MLNR: variants seen among roughly 807,000 people sequenced by gnomAD.
MLNR encodes motilin receptor.
MLNR carries 16 observed loss-of-function variants against 20.0 expected under a neutral mutation model. The observed-to-expected ratio is 0.80, with a 90% confidence interval of 0.54 to 1.22. MLNR has a LOEUF of 1.22. MLNR is among the 50% of genes most tolerant of loss of function. MLNR has a pLI of 0.00. For missense variants in MLNR, 630 were observed against 592.3 expected (o/e 1.06, Z -0.66); for synonymous variants, 302 against 287.2 (o/e 1.05, Z -0.52).
rs1196989757 is a variant in MLNR, at chr13:49,220,931, C to T, written c.594C>T (p.Ala198=). Residue 198 remains alanine (A), a synonymous_variant, in exon 1 of 2, where the codon GCC becomes GCT. Transcript: ENST00000218721. The surrounding 1 kb of genome is among the most constrained non-coding windows in gnomAD (Gnocchi z 4.4). ...GCCTCAATGGCACCGCGCGGATCGCCTCCTCGCCTCTCGCCTCGTCGCCGC... is the reference window on the plus strand; with the variant it reads ...GCCTCAATGGCACCGCGCGGATCGCTTCCTCGCCTCTCGCCTCGTCGCCGC... ...VPGLNGTARI[A]SSPLASSPPL... 6.5e-7 allele frequency: 1 copy of T among 1,532,044 alleles called. No individual in the cohort carries two copies. Among genetic ancestry groups the T allele is most frequent in the Admixed American group, 2.0e-5 (1 of 49,956 alleles). 94.9% of individuals were successfully genotyped at this position (1,532,044 alleles called of 1,614,324 possible).
rs201096000 is a variant in MLNR, at chr13:49,220,610, G to A, written c.273G>A (p.Leu91=). Residue 91 remains leucine, a synonymous_variant, in exon 1 of 2, where the codon CTG becomes CTA. Coordinates refer to ENST00000218721, the MANE Select transcript of MLNR (RefSeq NM_001507.1). This position sits in a 1 kb window ranked among gnomAD's most constrained non-coding sequence, Gnocchi z 4.4. ...CCGACCTACTCATCCTGCTCGGGCT[G>A]CCGTTCGACCTGTACCGCCTCTGGC... ...AVSDLLILLG[L]PFDLYRLWRS... 1.9e-6 allele frequency: 3 copies of A among 1,612,922 alleles called. No individual in the cohort carries two copies. The highest frequency in any genetic ancestry group is 2.5e-6 in the Non-Finnish European group (3 of 1,179,628).
At chr13:49,221,421 T>C (rs1887011055) in intron 1 of MLNR, 183 bp downstream of exon 1, 2 of 661,338 alleles carry the variant, frequency 3.0e-6, no homozygotes, top group Non-Finnish European at 5.1e-6. Flanking sequence ...AACCATGTCC[T>C]GTCCCCCAGG....
At chr13:49,221,815 C>T (rs946299020) in intron 1 of MLNR, among the ~76,000 whole-genome samples, 1 of 152,200 alleles carries the variant, frequency 6.6e-6, no homozygotes, top group Non-Finnish European at 1.5e-5. Context: ...TGGTTTATGT[C>T]CAGCCTTGAT....
Position 49,221,139 on chromosome 13 carries a change from G to T in MLNR, c.802G>T (p.Gly268Trp). 6.3e-7 allele frequency: 1 copy of T among 1,592,016 alleles called. No homozygotes were observed. The highest frequency in any genetic ancestry group is 1.4e-5 in the African/African-American group (1 of 73,714). ...CTTTCTGTGCCTCAGCATCCTCTAC[G>T]GGCTCATCGGGCGGGAGCTGTGGAG... is the stretch of plus-strand genomic sequence containing the variant. ...LPFLCLSILYGLIGRELWSSR... is the reference protein window; with the variant it reads ...LPFLCLSILYWLIGRELWSSR... The change falls in exon 1 of 2, where the codon GGG becomes TGG. Residue 268 changes from glycine (G) to tryptophan (W), a missense_variant. By Grantham distance (184) the Gly-to-Trp change is radical (BLOSUM62 -2). Transcript: ENST00000218721.
In MLNR at chr13:49,220,809, C is replaced by T. The variant is rs1380286202; in HGVS notation, c.472C>T (p.Leu158Phe). ...GGTCACCCGGCGCCGCGTCCGCGCG[C>T]TCATCGCTGTGCTCTGGGCCGTGGC... ...VLVTRRRVRA[L>F]IAVLWAVALL... The change falls in exon 1 of 2, where the codon CTC becomes TTC. Residue 158 changes from leucine (L) to phenylalanine (F), a missense_variant. Transcript: ENST00000218721. The surrounding 1 kb of genome is among the most constrained non-coding windows in gnomAD (Gnocchi z 4.4). 3 of 1,571,388 alleles carry T rather than the reference C, an allele frequency of 1.9e-6. No individual in the cohort carries two copies. The highest frequency in any genetic ancestry group is 1.4e-5 in the African/African-American group (1 of 73,546).
At position 49,220,412 on chromosome 13, in the gene MLNR, C is replaced by A; in HGVS notation, c.75C>A (p.Cys25Ter). The change falls in exon 1 of 2, where the codon TGC (cysteine) becomes TGA (stop). Residue 25 changes from cysteine (C) to a stop codon, truncating the protein, a stop_gained. Transcript: ENST00000218721. LOFTEE classifies it high-confidence loss of function. The surrounding 1 kb of genome is among the most constrained non-coding windows in gnomAD (Gnocchi z 4.4). ...CGCCGTGGCCCGCGCTGCCGCCTTG[C>A]GACGAGCGCCGCTGCTCGCCCTTTC... ...REPPWPALPPCDERRCSPFPL... is the reference protein window; with the variant it reads ...REPPWPALPP 1.3e-6 allele frequency: 2 copies of A among 1,526,334 alleles called. No homozygotes were observed. The highest frequency in any genetic ancestry group is 1.2e-5 in the South Asian group (1 of 82,716). The allele number at this position is 1,526,334 out of a possible 1,614,324, so 94.5% of individuals were successfully genotyped here.
intron 1 of MLNR, 155 bp downstream of exon 1, chr13:49,221,393 C>T (rs1308685624): frequency 3.8e-6 from 3 of 794,506 alleles, no homozygotes. Context: ...CCCGCCGGTA[C>T]TTCCCATCCC....
rs1886996205 is a variant in MLNR at position 49,220,858 on chromosome 13, T to C, written c.521T>C (p.Leu174Ser). The part of the protein sequence containing the change: ...AVALLSAGPF[L>S]FLVGVEQDPG... ...GCGCTGCTCTCTGCCGGTCCCTTCT[T>C]GTTCCTGGTGGGCGTCGAGCAGGAC... The change falls in exon 1 of 2, where the codon TTG becomes TCG. Residue 174 changes from leucine to serine, a missense_variant. Transcript: ENST00000218721. This position sits in a 1 kb window ranked among gnomAD's most constrained non-coding sequence, Gnocchi z 4.4. The C allele has an allele frequency of 1.9e-6, 3 of 1,578,024 alleles. No homozygotes were observed. The highest frequency in any genetic ancestry group is 1.7e-6 in the Non-Finnish European group (2 of 1,164,282).
Position 49,220,561 on chromosome 13 carries a change from T to C in MLNR, c.224T>C (p.Leu75Ser), listed in dbSNP as rs567576633. The change falls in exon 1 of 2, where the codon TTG becomes TCG. Residue 75 changes from leucine to serine, a missense_variant. Coordinates refer to ENST00000218721, the MANE Select transcript of MLNR (RefSeq NM_001507.1). The surrounding 1 kb of genome is among the most constrained non-coding windows in gnomAD (Gnocchi z 4.4). ...RYRDMRTTTN[L>S]YLGSMAVSDL... ...CGGGACATGCGGACCACCACCAACT[T>C]GTACCTGGGCAGCATGGCCGTGTCC... is the stretch of plus-strand genomic sequence containing the variant. 2.4e-5 allele frequency: 38 copies of C among 1,613,298 alleles called. 1 individual carries two copies. In the South Asian group the frequency reaches 4.1e-4, roughly 17 times the overall value.
Position 49,220,735 on chromosome 13 carries a change from G to A in MLNR, c.398G>A (p.Ser133Asn), listed in dbSNP as rs1392929047. Residue 133 changes from serine to asparagine, a missense_variant, in exon 1 of 2, where the codon AGC (serine) becomes AAC (asparagine). By Grantham distance (46) the Ser-to-Asn change is conservative (BLOSUM62 1). Transcript: ENST00000218721. The surrounding 1 kb of genome is among the most constrained non-coding windows in gnomAD (Gnocchi z 4.4). ...YATLLHMTALSVERYLAICRP... is the reference protein window; with the variant it reads ...YATLLHMTALNVERYLAICRP... ...ACGCTGCTGCACATGACCGCGCTCA[G>A]CGTCGAGCGCTACCTGGCCATCTGC... 1 of 1,580,340 alleles carries A rather than the reference G, an allele frequency of 6.3e-7. No individual in the cohort carries two copies. Among genetic ancestry groups the A allele is most frequent in the Non-Finnish European group, 8.6e-7 (1 of 1,164,736 alleles).
At chr13:49,222,018 G>C (rs550009440) in intron 1 of MLNR, 22 bp from the exon 2 acceptor site, 1 of 1,599,528 alleles carries the variant, frequency 6.3e-7, no homozygotes, top group South Asian at 1.1e-5. Flanking sequence ...TGTTAATCCC[G>C]GTGCTGTGTC....
At position 49,222,036 on chromosome 13, in the gene MLNR, G is replaced by A. The variant is rs775081954; in HGVS notation, c.902-4G>A. The A allele has an allele frequency of 1.1e-5, 17 of 1,611,750 alleles. No homozygotes were observed. In the South Asian group the frequency reaches 1.8e-4, roughly 17 times the overall value. ...TAATCCCGGTGCTGTGTCTTATGTT[G>A]CAGTGGTGGTGGTTCTGGCATTTAT... On this transcript the variant is annotated splice_region_variant and splice_polypyrimidine_tract_variant and intron_variant, in intron 1 of 1. Transcript: ENST00000218721.
At position 49,220,797 on chromosome 13, in the gene MLNR, CG is replaced by C. The variant is rs1267580854; in HGVS notation, c.461del (p.Arg154ProfsTer34). The C allele has an allele frequency of 6.4e-7, 1 of 1,565,762 alleles. No homozygotes were observed. Among genetic ancestry groups the C allele is most frequent in the Non-Finnish European group, 8.6e-7 (1 of 1,156,822 alleles). ...CGCCCGCGTCTTGGTCACCCGGCGC[CG>C]CGTCCGCGCGCTCATCGCTGTGCTC... ...LRARVLVTRR[R>X]VRALIAVLWA... On this transcript the variant is annotated frameshift_variant, in exon 1 of 2. Transcript: ENST00000218721. LOFTEE classifies it high-confidence loss of function. The surrounding 1 kb of genome is among the most constrained non-coding windows in gnomAD (Gnocchi z 4.4).
Position 49,220,627 on chromosome 13 carries a change from G to T in MLNR, c.290G>T (p.Arg97Leu). Residue 97 changes from arginine (R) to leucine (L), a missense_variant, in exon 1 of 2, where the codon CGC becomes CTC. Coordinates refer to ENST00000218721, the MANE Select transcript of MLNR (RefSeq NM_001507.1). The surrounding 1 kb of genome is among the most constrained non-coding windows in gnomAD (Gnocchi z 4.4). Reference protein sequence around the residue: ...ILLGLPFDLYRLWRSRPWVFG... With the variant: ...ILLGLPFDLYLLWRSRPWVFG... ...CTCGGGCTGCCGTTCGACCTGTACCGCCTCTGGCGCTCGCGGCCCTGGGTG... is the reference window on the plus strand; with the variant it reads ...CTCGGGCTGCCGTTCGACCTGTACCTCCTCTGGCGCTCGCGGCCCTGGGTG... 1 of 1,611,876 alleles carries T rather than the reference G, an allele frequency of 6.2e-7. No homozygotes were observed. The highest frequency in any genetic ancestry group is 8.5e-7 in the Non-Finnish European group (1 of 1,179,254).
At position 49,220,660 on chromosome 13, in the gene MLNR, C is replaced by A. The variant is rs1461061406; in HGVS notation, c.323C>A (p.Pro108Gln). 9 of 1,607,766 alleles carry A rather than the reference C, an allele frequency of 5.6e-6. No individual in the cohort carries two copies. Among genetic ancestry groups the A allele is most frequent in the Admixed American group, 5.0e-5 (3 of 59,648 alleles). ...CGCTCGCGGCCCTGGGTGTTCGGGC[C>A]GCTGCTCTGCCGCCTGTCCCTCTAC... Reference protein sequence around the residue: ...LWRSRPWVFGPLLCRLSLYVG... With the variant: ...LWRSRPWVFGQLLCRLSLYVG... Residue 108 changes from proline (P) to glutamine (Q), a missense_variant, in exon 1 of 2, where the codon CCG (proline) becomes CAG (glutamine). By Grantham distance (76) the Pro-to-Gln change is moderately conservative. Transcript: ENST00000218721. The surrounding 1 kb of genome is among the most constrained non-coding windows in gnomAD (Gnocchi z 4.4).
rs139480497 is a variant in MLNR at position 49,222,140 on chromosome 13, G to A, written c.1002G>A (p.Gln334=). The A allele has an allele frequency of 1.2e-5, 19 of 1,613,970 alleles. No homozygotes were observed. The highest frequency in any genetic ancestry group is 1.6e-5 in the Non-Finnish European group (19 of 1,180,028). The change falls in exon 2 of 2, where the codon CAG becomes CAA. Residue 334 remains glutamine, a synonymous_variant. Transcript: ENST00000218721. The stretch of plus-strand genomic sequence containing the variant: ...ATTCGCGGATGATGTACTTCTCTCA[G>A]TACTTTAACATCGTCGCTCTGCAAC... ...TEDSRMMYFS[Q]YFNIVALQLF...
intron 1 of MLNR, 41 bp downstream of exon 1, chr13:49,221,279 G>T: frequency 6.5e-7 from 1 of 1,536,186 alleles, no homozygotes; most frequent in Non-Finnish European, 8.7e-7. Context: ...CCTGCCTGCA[G>T]TCCGCCCCGC....
rs751025625 is a variant in MLNR at position 49,220,561 on chromosome 13, T to TGTACCTGGGCAGCATGGCC, written c.227_245dup (p.Ser83ProfsTer261). Reference sequence around the variant, plus strand: ...CGGGACATGCGGACCACCACCAACTTGTACCTGGGCAGCATGGCCGTGTCC... The same window carrying TGTACCTGGGCAGCATGGCC: ...CGGGACATGCGGACCACCACCAACTTGTACCTGGGCAGCATGGCCGTACCTGGGCAGCATGGCCGTGTCC... On this transcript the variant is annotated frameshift_variant, in exon 1 of 2. Transcript: ENST00000218721. LOFTEE classifies it high-confidence loss of function. This position sits in a 1 kb window ranked among gnomAD's most constrained non-coding sequence, Gnocchi z 4.4. 1.9e-5 allele frequency: 31 copies of TGTACCTGGGCAGCATGGCC among 1,613,298 alleles called. No homozygotes were observed. The highest frequency in any genetic ancestry group is 2.5e-5 in the Non-Finnish European group (30 of 1,179,684).
At position 49,220,973 on chromosome 13, in the gene MLNR, G is replaced by A. The variant is rs764895201; in HGVS notation, c.636G>A (p.Arg212=). 32 of 1,492,984 alleles carry A rather than the reference G, an allele frequency of 2.1e-5. No individual in the cohort carries two copies. The South Asian group carries it at 2.7e-4, about 12-fold the overall frequency. The allele number at this position is 1,492,984 out of a possible 1,614,324, so 92.5% of individuals were successfully genotyped here. A position where few individuals can be genotyped will look rare whatever the true frequency, so the allele number is the denominator to read the frequency against. ...LASSPPLWLS[R]APPPSPPSGP... is the part of the protein sequence containing the mutation. ...CGTCGCCGCCTCTCTGGCTCTCGCG[G>A]GCGCCACCGCCGTCCCCGCCGTCGG... Residue 212 remains arginine (R), a synonymous_variant, in exon 1 of 2, where the codon CGG becomes CGA. Transcript: ENST00000218721. This position sits in a 1 kb window ranked among gnomAD's most constrained non-coding sequence, Gnocchi z 4.4.
Sources: allele counts gnomAD v4.1 joint callset (sites outside exome capture counted in the v4.1 genomes callset), GRCh38; gene constraint gnomAD v4.1.1; non-coding constraint Gnocchi (gnomAD v3.1); transcripts MANE v1.5; gene names NCBI Gene and HGNC (gene_info 2026-07-23, HGNC 2026-07-21).